The following SNRPN variants were observed in gnomAD, a reference collection of about 807,000 sequenced individuals.
The protein encoded by SNRPN is small nuclear ribonucleoprotein-associated protein N.
SNRPN carries 7 observed loss-of-function variants against 25.2 expected under a neutral mutation model. The ratio of observed to expected loss-of-function variants is 0.28; its 90% CI spans 0.16 to 0.52. The LOEUF (loss-of-function observed/expected upper bound fraction) is 0.52. Among genes scored for constraint, SNRPN ranks in the 20% least tolerant of loss-of-function variants. The pLI, the probability that SNRPN is intolerant of heterozygous loss-of-function variation, is 0.96. For missense variants in SNRPN, 196 were observed against 322.5 expected, an observed-to-expected ratio of 0.61 and a Z score of 3.00; for synonymous variants, 124 against 110.6, an observed-to-expected ratio of 1.12 and a Z score of -0.76.
intron 2 of SNRPN, among the ~76,000 whole-genome samples, chr15:24,907,458 C>T (rs893178988): frequency 1.3e-5 from 2 of 151,898 alleles, no homozygotes; most frequent in South Asian, 2.1e-4. Flanking sequence ...ATTAGCCAGG[C>T]GTGGTGGCGG....
intron 2 of SNRPN, among the ~76,000 whole-genome samples, chr15:24,834,720 T>C (rs1006827918): frequency 1.8e-4 from 11 of 60,574 alleles, no homozygotes; most frequent in Admixed American, 1.0e-3. Flanking sequence ...ACCTTGTCTC[T>C]CTCTCTCCCT....
rs1219178938 is a variant in SNRPN, at chr15:24,918,411, TATATATGTGTATATATAACATA to T, written c.-504-1593_-504-1572del. Among the ~76,000 whole-genome samples the T allele has an allele frequency of 4.2e-3, 272 of 65,488 alleles. 2 individuals are homozygous for T. The highest frequency in any genetic ancestry group is 6.6e-3 in the South Asian group (10 of 1,526). 43.0% of individuals were successfully genotyped at this position (65,488 alleles called of 152,430 possible). On this transcript the variant is annotated intron_variant, in intron 2 of 11. Transcript: ENST00000400097. ...ATATATGTGTATATATATAACATAA[TATATATGTGTATATATAACATA>T]ATATATATGTGTATATATATAACAT...
In SNRPN at chr15:24,844,131, AGT is replaced by A. The variant is rs138942935; in HGVS notation, c.-579+14245_-579+14246del. Among the ~76,000 whole-genome samples, 125 of 149,578 alleles carry A rather than the reference AGT, an allele frequency of 8.4e-4. 1 individual carries two copies. The highest frequency in any genetic ancestry group is 3.4e-3 in the Middle Eastern group (1 of 292). Reference sequence around the variant, plus strand: ...ACTCTGTGTGTTTGTGTGTGTCTGTAGTGTGTGTGTGTGTGTGTGTTTGTGTG... The same window carrying A: ...ACTCTGTGTGTTTGTGTGTGTCTGTAGTGTGTGTGTGTGTGTGTTTGTGTG... On this transcript the variant is annotated intron_variant, in intron 2 of 12. Coordinates refer to the SNRPN transcript ENST00000400100.
chr15:24,879,613 G>A (rs1303216046), intron 1 of SNRPN, among the ~76,000 whole-genome samples: 2 of 152,164 alleles, frequency 1.3e-5, no homozygotes, highest in Non-Finnish European at 2.9e-5. Flanking sequence ...TCTTCTTTCT[G>A]CAGAGACCAT....
chr15:24,937,098 G>A (rs930097038), intron 3 of SNRPN, among the ~76,000 whole-genome samples: 1 of 151,858 alleles, frequency 6.6e-6, no homozygotes, highest in African/African-American at 2.4e-5. Flanking sequence ...AAAATTAGCT[G>A]GGCATGGTGG....
At chr15:24,975,274 T>C in intron 4 of SNRPN, 84 bp from the exon 5 acceptor site, 14 of 1,065,222 alleles carry the variant, frequency 1.3e-5, no homozygotes, top group Admixed American at 2.0e-5. Flanking sequence ...GCTTAGATTA[T>C]GTAAGGGTGG....
chr15:24,966,237 G>A (rs1319316195), intron 2 of SNRPN, among the ~76,000 whole-genome samples: 1 of 152,068 alleles, frequency 6.6e-6, no homozygotes, highest in Non-Finnish European at 1.5e-5. Context: ...AATTGACTAA[G>A]GTTTTATAAA....
At chr15:24,933,343 GAAA>G (rs199642200) in intron 3 of SNRPN, among the ~76,000 whole-genome samples, 2 of 147,340 alleles carry the variant, frequency 1.4e-5, no homozygotes, top group Non-Finnish European at 3.0e-5. Flanking sequence ...CTGGTTTAAA[GAAA>G]AAAAAAAACA....
intron 1 of SNRPN, among the ~76,000 whole-genome samples, chr15:24,885,205 CT>C (rs1288255599): frequency 6.6e-6 from 1 of 152,092 alleles, no homozygotes; most frequent in Non-Finnish European, 1.5e-5. Context: ...GGAGTGTATC[CT>C]TGCACCGGTA....
intron 1 of SNRPN, among the ~76,000 whole-genome samples, chr15:24,867,621 G>A (rs947608651): frequency 6.6e-6 from 1 of 152,050 alleles, no homozygotes; most frequent in Non-Finnish European, 1.5e-5. Flanking sequence ...TGATCCACCC[G>A]CCTCGGCCTC....
chr15:24,973,579 T>C (rs1263683180), intron 3 of SNRPN, among the ~76,000 whole-genome samples: 1 of 151,640 alleles, frequency 6.6e-6, no homozygotes, highest in Admixed American at 6.6e-5. Flanking sequence ...TTTGTATTTC[T>C]AGCAGAGACG....
intron 3 of SNRPN, among the ~76,000 whole-genome samples, chr15:24,925,496 C>T (rs766355222): frequency 3.3e-5 from 5 of 152,122 alleles, no homozygotes; most frequent in African/African-American, 1.2e-4. Context: ...CAACACTTCC[C>T]TGGCTCCACA....
At chr15:24,960,007 G>A (rs1001820885) in intron 1 of SNRPN, among the ~76,000 whole-genome samples, 1 of 152,112 alleles carries the variant, frequency 6.6e-6, no homozygotes, top group Non-Finnish European at 1.5e-5. Flanking sequence ...GCTCATGCCT[G>A]TAATCCCAGC....
chr15:24,892,629 C>T (rs1045226354), intron 2 of SNRPN, among the ~76,000 whole-genome samples: 12 of 107,846 alleles, frequency 1.1e-4, no homozygotes, highest in African/African-American at 2.0e-4. Flanking sequence ...CCCAGCTACT[C>T]GGGAGGCTGA....
At chr15:24,909,578 T>A in intron 2 of SNRPN, 1 of 1,322,316 alleles carries the variant, frequency 7.6e-7, no homozygotes, top group South Asian at 1.2e-5. Context: ...TTTTGGCAGT[T>A]CGTGTGCATA....
intron 1 of SNRPN, among the ~76,000 whole-genome samples, chr15:24,828,847 C>A (rs1403245173): frequency 6.6e-6 from 1 of 152,044 alleles, no homozygotes; most frequent in Non-Finnish European, 1.5e-5. Flanking sequence ...TTAAAAAATT[C>A]TTTCCAGATA....
intron 3 of SNRPN, among the ~76,000 whole-genome samples, chr15:24,921,914 A>G (rs955099030): frequency 6.6e-6 from 1 of 151,982 alleles, no homozygotes; most frequent in Non-Finnish European, 1.5e-5. Flanking sequence ...AAAATGCCAT[A>G]CAGACCGGGC....
chr15:24,848,225 C>CGGCGGCGGG (rs2052393197), intron 2 of SNRPN: 1 of 33,236 alleles, frequency 3.0e-5, no homozygotes, highest in Non-Finnish European at 5.9e-5. Flanking sequence ...GGGGCGGGGG[C>CGGCGGCGGG]GGCGGTGGGG....
At chr15:24,874,384 G>C (rs1271306628) in intron 1 of SNRPN, among the ~76,000 whole-genome samples, 1 of 149,984 alleles carries the variant, frequency 6.7e-6, no homozygotes, top group East Asian at 2.0e-4. Flanking sequence ...GAGTAGGAGT[G>C]ACCAATGTCA....
Sources: gnomAD v4.1 joint callset for allele counts (sites outside exome capture counted in the v4.1 genomes callset) on GRCh38, gnomAD v4.1.1 for gene constraint, MANE v1.5 for transcripts, NCBI Gene and HGNC (gene_info 2026-07-23, HGNC 2026-07-21) for gene names.